The following TMEM52 variants were observed in gnomAD, a reference collection of about 807,000 sequenced individuals.
TMEM52 encodes the protein transmembrane protein 52.
TMEM52 carries 14 observed loss-of-function variants against 16.2 expected under a neutral mutation model. The observed-to-expected ratio is 0.87, with a 90% CI of 0.57 to 1.35. TMEM52 has a LOEUF of 1.35. Ranked by LOEUF, TMEM52 falls within the 40% of genes most tolerant of loss-of-function variation. TMEM52 has a pLI of 0.00. For missense variants in TMEM52, 309 were observed against 278.6 expected (o/e 1.11, Z -0.78); for synonymous variants, 136 against 124.7 (o/e 1.09, Z -0.60).
chr1:1,919,083 C>G lies in TMEM52; in HGVS notation c.90G>C (p.Ala30=). 1 of 1,343,152 alleles carries G rather than the reference C, an allele frequency of 7.4e-7. No homozygotes were observed. The highest frequency in any genetic ancestry group is 4.0e-5 in the Admixed American group (1 of 24,980). 83.2% of individuals were successfully genotyped at this position (1,343,152 alleles called of 1,614,324 possible). A position where few individuals can be genotyped will look rare whatever the true frequency, so the allele number is the denominator to read the frequency against. The change falls in exon 2 of 5, where the codon GCG becomes GCC. Residue 30 remains alanine (A), a synonymous_variant. Coordinates refer to ENST00000310991, the MANE Select transcript of TMEM52 (RefSeq NM_178545.4). ...LLPLLPLPQV[A]LGFADGSCDP... ...CGCAGCTGCCGTCCGCGAAGCCCAG[C>G]GCCACCTGTGGGGACAAGGGTGAGC...
rs1651206673 is a variant in TMEM52, at chr1:1,918,069, A to T, written c.443T>A (p.Leu148Gln). Residue 148 changes from leucine (L) to glutamine (Q), a missense_variant, in exon 5 of 5, where the codon CTG (leucine) becomes CAG (glutamine). Leu to Gln is a moderately radical substitution (Grantham distance 113). Coordinates refer to ENST00000310991, the MANE Select transcript of TMEM52 (RefSeq NM_178545.4). ...GGAGGGTGGAGGCTCCGGGGTGTAC[A>T]GGCTGTAGGCAGGAGGAGCCATGGA... ...LDSMAPPAYSLYTPEPPPSYD... is the reference protein window; with the variant it reads ...LDSMAPPAYSQYTPEPPPSYD... The T allele has an allele frequency of 6.2e-7, 1 of 1,613,490 alleles. No homozygotes were observed. Among genetic ancestry groups the T allele is most frequent in the Non-Finnish European group, 8.5e-7 (1 of 1,179,902 alleles).
Position 1,918,000 on chromosome 1 carries a change from G to C in TMEM52, c.512C>G (p.Pro171Arg). ...VKMAKPREEGPALSQKPSPLL... is the reference protein window; with the variant it reads ...VKMAKPREEGRALSQKPSPLL... Reference sequence around the variant, plus strand: ...AGGGCTGGGTTTCTGGGAGAGTGCTGGTCCTTCCTCTCTGGGCTTGGCCAT... The same window carrying C: ...AGGGCTGGGTTTCTGGGAGAGTGCTCGTCCTTCCTCTCTGGGCTTGGCCAT... Residue 171 changes from proline (P) to arginine (R), a missense_variant, in exon 5 of 5, where the codon CCA (proline) becomes CGA (arginine). Physicochemically the swap from Pro to Arg is moderately radical, Grantham distance 103. Transcript: ENST00000310991. 1 of 1,613,958 alleles carries C rather than the reference G, an allele frequency of 6.2e-7. No homozygotes were observed.
chr1:1,918,499 C>A, intron 3 of TMEM52, 68 bp from the exon 4 acceptor site: 1 of 1,312,034 alleles, frequency 7.6e-7, no homozygotes, highest in Non-Finnish European at 1.1e-6. Flanking sequence ...TGGGGAATGT[C>A]GTGGCACAAC....
At position 1,917,803 on chromosome 1, in the gene TMEM52, G is replaced by A; in HGVS notation, c.*79C>T. The A allele has an allele frequency of 6.8e-7, 1 of 1,474,924 alleles. No homozygotes were observed. Among genetic ancestry groups the A allele is most frequent in the Non-Finnish European group, 9.3e-7 (1 of 1,076,178 alleles). 91.4% of individuals were successfully genotyped at this position (1,474,924 alleles called of 1,614,324 possible). Reference sequence around the variant, plus strand: ...GCACCGAGGTTGGGGCCACAGCAATGTGTGGGACGGTGGGGTGGGCTGGGG... The same window carrying A: ...GCACCGAGGTTGGGGCCACAGCAATATGTGGGACGGTGGGGTGGGCTGGGG... On this transcript the variant is annotated 3_prime_UTR_variant, in exon 5 of 5. Coordinates refer to ENST00000310991, the MANE Select transcript of TMEM52 (RefSeq NM_178545.4).
intron 3 of TMEM52, 37 bp from the exon 4 acceptor site, chr1:1,918,468 G>A (rs752933263): frequency 1.8e-5 from 28 of 1,564,672 alleles, no homozygotes; most frequent in Middle Eastern, 1.7e-4. Flanking sequence ...ACTGACCCTC[G>A]GCCACCGGGC....
At position 1,919,058 on chromosome 1, in the gene TMEM52, C is replaced by A; in HGVS notation, c.115G>T (p.Asp39Tyr). The A allele has an allele frequency of 4.5e-6, 6 of 1,337,062 alleles. No individual in the cohort carries two copies. The highest frequency in any genetic ancestry group is 1.5e-5 in the African/African-American group (1 of 65,332). 82.8% of individuals were successfully genotyped at this position (1,337,062 alleles called of 1,614,324 possible). ...CCCCCGACTTACTGGTCCGAGGGGT[C>A]GCAGCTGCCGTCCGCGAAGCCCAGC... The part of the protein sequence containing the change: ...VALGFADGSC[D>Y]PSDQCPPQAR... Residue 39 changes from aspartate to tyrosine, a missense_variant, in exon 2 of 5, where the codon GAC (aspartate) becomes TAC (tyrosine). Transcript: ENST00000310991.
Position 1,918,440 on chromosome 1 carries a change from G to C in TMEM52, c.171-9C>G. On this transcript the variant is annotated splice_polypyrimidine_tract_variant and intron_variant, in intron 3 of 4. Coordinates refer to ENST00000310991, the MANE Select transcript of TMEM52 (RefSeq NM_178545.4). ...CCGCCAGCAGGATGAGCCTAGGAGAGCAAGGCTCTACCACTGGACTGACCC... is the reference window on the plus strand; with the variant it reads ...CCGCCAGCAGGATGAGCCTAGGAGACCAAGGCTCTACCACTGGACTGACCC... 1.9e-6 allele frequency: 3 copies of C among 1,608,196 alleles called. No individual in the cohort carries two copies. The highest frequency in any genetic ancestry group is 1.1e-5 in the South Asian group (1 of 90,448).
chr1:1,917,828 G>A lies in TMEM52; in HGVS notation c.*54C>T. ...GTGTGGGACGGTGGGGTGGGCTGGGGCCCTTGGCTCCAAGCATTAGTTCTC... is the reference window on the plus strand; with the variant it reads ...GTGTGGGACGGTGGGGTGGGCTGGGACCCTTGGCTCCAAGCATTAGTTCTC... On this transcript the variant is annotated 3_prime_UTR_variant, in exon 5 of 5. Transcript: ENST00000310991. 6.4e-7 allele frequency: 1 copy of A among 1,565,014 alleles called. No individual in the cohort carries two copies. Among genetic ancestry groups the A allele is most frequent in the Non-Finnish European group, 8.7e-7 (1 of 1,147,738 alleles).
chr1:1,918,678 C>A (rs901710662), intron 3 of TMEM52: 6 of 685,782 alleles, frequency 8.7e-6, no homozygotes, highest in Non-Finnish European at 1.5e-5. Flanking sequence ...TCAGCGAGTG[C>A]CCCACTGCTG....
chr1:1,918,961 G>C, intron 2 of TMEM52, 27 bp from the exon 3 acceptor site: 1 of 1,358,570 alleles, frequency 7.4e-7, no homozygotes, highest in Non-Finnish European at 9.4e-7. Flanking sequence ...ACCTGGAGCA[G>C]GCGGGGCATG....
rs994446452 is a variant in TMEM52 at position 1,919,167 on chromosome 1, C to A, written c.84+15G>T. On this transcript the variant is annotated intron_variant, in intron 1 of 4. Transcript: ENST00000310991. Reference sequence around the variant, plus strand: ...CCGCGGTGGCCGAACCGAGAGAGAACGCCGCCCGACCCACCTGCGGCAGCG... The same window carrying A: ...CCGCGGTGGCCGAACCGAGAGAGAAAGCCGCCCGACCCACCTGCGGCAGCG... 4.4e-6 allele frequency: 6 copies of A among 1,367,694 alleles called. No homozygotes were observed. The highest frequency in any genetic ancestry group is 3.0e-5 in the East Asian group (1 of 33,044). 84.7% of individuals were successfully genotyped at this position (1,367,694 alleles called of 1,614,324 possible).
Position 1,919,224 on chromosome 1 carries a change from C to T in TMEM52, c.42G>A (p.Leu14=). ...GCGGCAGGAGCGGCAGGAGCGGCAGCAGCAGCCGCAGTCCGCGGGCGGCCA... is the reference window on the plus strand; with the variant it reads ...GCGGCAGGAGCGGCAGGAGCGGCAGTAGCAGCCGCAGTCCGCGGGCGGCCA... The part of the protein sequence containing the change: ...GPLAARGLRL[L]LPLLPLLPLL... Residue 14 remains leucine, a synonymous_variant, in exon 1 of 5, where the codon CTG becomes CTA. Transcript: ENST00000310991. 1 of 1,364,392 alleles carries T rather than the reference C, an allele frequency of 7.3e-7. No individual in the cohort carries two copies. Among genetic ancestry groups the T allele is most frequent in the South Asian group, 1.7e-5 (1 of 58,432 alleles). 84.5% of individuals were successfully genotyped at this position (1,364,392 alleles called of 1,614,324 possible).
rs1465660321 is a variant in TMEM52 at position 1,918,906 on chromosome 1, G to A, written c.157C>T (p.Leu53=). 1.4e-6 allele frequency: 2 copies of A among 1,414,482 alleles called. No individual in the cohort carries two copies. Among genetic ancestry groups the A allele is most frequent in the Non-Finnish European group, 1.8e-6 (2 of 1,096,402 alleles). 87.6% of individuals were successfully genotyped at this position (1,414,482 alleles called of 1,614,324 possible). The change falls in exon 3 of 5, where the codon CTG becomes TTG. Residue 53 remains leucine (L), a synonymous_variant. Coordinates refer to ENST00000310991, the MANE Select transcript of TMEM52 (RefSeq NM_178545.4). ...QCPPQARWSS[L]WHVGLILLAV... ...GCCTCCACTTACCCCACGTGCCACA[G>A]GCTGCTCCAGCGGGCCTGGGGCGGG... is the stretch of plus-strand genomic sequence containing the variant.
At chr1:1,918,673 G>T (rs1040271228) in intron 3 of TMEM52, 2 of 685,272 alleles carry the variant, frequency 2.9e-6, no homozygotes, top group Non-Finnish European at 5.1e-6. Context: ...TGTCCTCAGC[G>T]AGTGCCCCAC....
In TMEM52 at chr1:1,918,247, A is replaced by G. The variant is rs776570111; in HGVS notation, c.349+6T>C. 8.1e-6 allele frequency: 13 copies of G among 1,608,696 alleles called. No homozygotes were observed. The East Asian group carries it at 2.9e-4, about 36-fold the overall frequency. On this transcript the variant is annotated splice_donor_region_variant and intron_variant, in intron 4 of 4. Transcript: ENST00000310991. ...ACCCTCAACTGGCGGGCCCCTAGGC[A>G]CTCACAGGTCACAGTGCTGTGTACA...
rs1389236526 is a variant in TMEM52, at chr1:1,918,421, G to C, written c.181C>G (p.Leu61Val). The change falls in exon 4 of 5, where the codon CTG becomes GTG. Residue 61 changes from leucine to valine, a missense_variant. Coordinates refer to ENST00000310991, the MANE Select transcript of TMEM52 (RefSeq NM_178545.4). ...CACAGCAGAAGCAGGAGGACCGCCAGCAGGATGAGCCTAGGAGAGCAAGGC... is the reference window on the plus strand; with the variant it reads ...CACAGCAGAAGCAGGAGGACCGCCACCAGGATGAGCCTAGGAGAGCAAGGC... ...SSLWHVGLIL[L>V]AVLLLLLCGV... The C allele has an allele frequency of 9.9e-6, 16 of 1,612,046 alleles. 1 individual carries two copies. The highest frequency in any genetic ancestry group is 1.4e-5 in the Non-Finnish European group (16 of 1,179,690).
Position 1,919,206 on chromosome 1 carries a change from GA to G in TMEM52, c.59del (p.Leu20ProfsTer96). On this transcript the variant is annotated frameshift_variant, in exon 1 of 5. Coordinates refer to ENST00000310991, the MANE Select transcript of TMEM52 (RefSeq NM_178545.4). LOFTEE classifies it high-confidence loss of function. ...GLRLLLPLLP[L>X]LPLLPLPQVA... ...CCTGCGGCAGCGGCAGGAGCGGCAG[GA>G]GCGGCAGGAGCGGCAGCAGCAGCCG... The G allele has an allele frequency of 7.3e-7, 1 of 1,363,968 alleles. No homozygotes were observed. Among genetic ancestry groups the G allele is most frequent in the Non-Finnish European group, 9.4e-7 (1 of 1,066,010 alleles). 84.5% of individuals were successfully genotyped at this position (1,363,968 alleles called of 1,614,324 possible). A position where few individuals can be genotyped will look rare whatever the true frequency, so the allele number is the denominator to read the frequency against.
Position 1,918,029 on chromosome 1 carries a change from G to A in TMEM52, c.483C>T (p.Val161=), listed in dbSNP as rs751473591. ...CTTCCTCTCTGGGCTTGGCCATCTT[G>A]ACAGCTTCATCGTAGGAGGGTGGAG... ...PEPPPSYDEA[V]KMAKPREEGP... is the part of the protein sequence containing the mutation. Residue 161 remains valine (V), a synonymous_variant, in exon 5 of 5, where the codon GTC becomes GTT. Transcript: ENST00000310991. 1 of 1,613,958 alleles carries A rather than the reference G, an allele frequency of 6.2e-7. No homozygotes were observed. The highest frequency in any genetic ancestry group is 1.3e-5 in the African/African-American group (1 of 75,038).
chr1:1,918,183 T>C (rs754688336), intron 4 of TMEM52, 21 bp from the exon 5 acceptor site: 2 of 1,609,288 alleles, frequency 1.2e-6, no homozygotes, highest in South Asian at 1.1e-5. Flanking sequence ...CCAGAGTGGG[T>C]TCGTGGAGGC....
Sources: allele counts gnomAD v4.1 joint callset, GRCh38; gene constraint gnomAD v4.1.1; transcripts MANE v1.5; gene names NCBI Gene and HGNC (gene_info 2026-07-23, HGNC 2026-07-21).